Variants in ADGB observed in about 807,000 individuals in gnomAD.
The protein encoded by ADGB is androglobin.
ADGB carries 172 observed loss-of-function variants against 210.5 expected under a neutral mutation model. The observed-to-expected ratio is 0.82, with a 90% CI of 0.72 to 0.93. The LOEUF is 0.93. Ranked by LOEUF, ADGB falls within the 40% of genes least tolerant of loss-of-function variation. The probability of loss-of-function intolerance (pLI) is 0.00; values close to 1 mark genes in which losing one functional copy is unlikely to be tolerated. For synonymous variants in ADGB, 658 were observed against 662.7 expected, an observed-to-expected ratio of 0.99 and a Z score of 0.11; for missense variants, 2,025 against 1,964.8, an observed-to-expected ratio of 1.03 and a Z score of -0.58.
At position 146,740,454 on chromosome 6, in the gene ADGB, TCTAGA is replaced by T. The variant is rs1209260715; in HGVS notation, c.2889-1_2892del. Reference sequence around the variant, plus strand: ...TTGATACATAATTTATTTTTATATTTCTAGACTAATGTTTAAAAGCAAGTGCAAGT... The same window carrying T: ...TTGATACATAATTTATTTTTATATTTCTAATGTTTAAAAGCAAGTGCAAGT... On this transcript the variant is annotated splice_acceptor_variant and splice_polypyrimidine_tract_variant and coding_sequence_variant and intron_variant, in exon 24 of 36. Transcript: ENST00000397944. LOFTEE classifies it high-confidence loss of function. The T allele has an allele frequency of 6.5e-7, 1 of 1,530,512 alleles. No homozygotes were observed. The highest frequency in any genetic ancestry group is 8.8e-7 in the Non-Finnish European group (1 of 1,136,504). The allele number at this position is 1,530,512 out of a possible 1,614,324, so 94.8% of individuals were successfully genotyped here.
chr6:146,782,139 T>A lies in ADGB; in HGVS notation c.3982T>A (p.Ser1328Thr), dbSNP rs1488548716. 2 of 1,547,236 alleles carry A rather than the reference T, an allele frequency of 1.3e-6. No homozygotes were observed. The highest frequency in any genetic ancestry group is 1.7e-6 in the Non-Finnish European group (2 of 1,145,380). Residue 1328 changes from serine (S) to threonine (T), a missense_variant, in exon 30 of 36, where the codon TCT becomes ACT. Transcript: ENST00000397944. ...KTTRKGKEKS[S>T]EKEKTAKEKQ... ...AACAAGGAAAGGCAAAGAAAAGTCT[T>A]CTGAGAAAGAAAAGACAGCCAAAGA... is the stretch of plus-strand genomic sequence containing the variant.
chr6:146,714,637 C>A (rs1278776385), intron 13 of ADGB, among the ~76,000 whole-genome samples: 1 of 152,146 alleles, frequency 6.6e-6, no homozygotes, highest in Non-Finnish European at 1.5e-5. Context: ...AGTGCAAATC[C>A]TTCTACAGAC....
At chr6:146,671,349 G>C (rs993120477) in intron 7 of ADGB, among the ~76,000 whole-genome samples, 1 of 152,158 alleles carries the variant, frequency 6.6e-6, no homozygotes, top group African/African-American at 2.4e-5. Flanking sequence ...GATGAGAATG[G>C]AGAAAAGGGG....
chr6:146,767,619 C>A (rs1175309382), intron 28 of ADGB, among the ~76,000 whole-genome samples: 1 of 152,100 alleles, frequency 6.6e-6, no homozygotes, highest in Non-Finnish European at 1.5e-5. Context: ...TAGGCACATG[C>A]CCCCACACCC....
chr6:146,600,935 CACA>C (rs1780547751), intron 1 of ADGB, among the ~76,000 whole-genome samples: 1 of 128,882 alleles, frequency 7.8e-6, no homozygotes, highest in Non-Finnish European at 1.5e-5. Flanking sequence ...CGCACACACA[CACA>C]CACACACACA....
At chr6:146,679,168 C>T (rs1054633845) in intron 9 of ADGB, among the ~76,000 whole-genome samples, 9 of 152,254 alleles carry the variant, frequency 5.9e-5, no homozygotes, top group South Asian at 2.1e-4. Context: ...TGGAATGTGA[C>T]GTGCTAAAGA....
intron 22 of ADGB, among the ~76,000 whole-genome samples, 187 bp downstream of exon 22, chr6:146,734,217 C>T (rs1183263120): frequency 6.6e-6 from 1 of 152,182 alleles, no homozygotes; most frequent in Non-Finnish European, 1.5e-5. Flanking sequence ...AGGATTGGCA[C>T]AGTGCCTGGT....
chr6:146,803,497 C>T (rs899790647), intron 35 of ADGB: 12 of 1,602,122 alleles, frequency 7.5e-6, no homozygotes, highest in Admixed American at 1.7e-5. Flanking sequence ...TTTCTTTCTG[C>T]GATAGATCAC....
chr6:146,640,911 A>G (rs891558021), intron 2 of ADGB, among the ~76,000 whole-genome samples: 1 of 152,044 alleles, frequency 6.6e-6, no homozygotes, highest in East Asian at 1.9e-4. Flanking sequence ...AGTCCTAGCC[A>G]GAGCAATCAG....
intron 1 of ADGB, 25 bp from the exon 2 acceptor site, chr6:146,635,350 C>T: frequency 7.1e-7 from 1 of 1,401,152 alleles, no homozygotes; most frequent in East Asian, 2.8e-5. Flanking sequence ...TAAACCTAAC[C>T]CACCCACTCT....
At chr6:146,638,877 G>C (rs182580908) in intron 2 of ADGB, 202 of 137,946 alleles carry the variant, frequency 1.5e-3, no homozygotes, top group African/African-American at 4.9e-3. Flanking sequence ...TCAAAGCACA[G>C]CACAACACAA....
intron 23 of ADGB, among the ~76,000 whole-genome samples, chr6:146,738,437 T>A (rs1355896520): frequency 4.9e-5 from 6 of 122,542 alleles, no homozygotes; most frequent in Non-Finnish European, 1.0e-4. Flanking sequence ...TCCCATTTCA[T>A]CTTTTTTTTT....
At chr6:146,802,050 A>C in intron 35 of ADGB, 39 bp downstream of exon 35, 2 of 1,327,898 alleles carry the variant, frequency 1.5e-6, no homozygotes, top group Non-Finnish European at 2.0e-6. Flanking sequence ...TAGTTGGCAA[A>C]TTCTTTCGTA....
At chr6:146,663,131 T>TTA (rs999252225) in intron 5 of ADGB, among the ~76,000 whole-genome samples, 1 of 140,568 alleles carries the variant, frequency 7.1e-6, no homozygotes, top group Non-Finnish European at 1.5e-5. Context: ...AAATATATAA[T>TTA]TATATATATA....
intron 1 of ADGB, among the ~76,000 whole-genome samples, chr6:146,629,287 A>G (rs1349342147): frequency 1.3e-5 from 2 of 152,192 alleles, no homozygotes; most frequent in African/African-American, 4.8e-5. Flanking sequence ...CAAAAGCAGG[A>G]GTTTACGTGG....
At chr6:146,666,785 T>C (rs1374073868) in intron 6 of ADGB, 31 bp from the exon 7 acceptor site, 2 of 1,464,910 alleles carry the variant, frequency 1.4e-6, no homozygotes, top group Non-Finnish European at 1.9e-6. Flanking sequence ...CAAATTTTGC[T>C]ACCTGTAACA....
chr6:146,693,073 C>T (rs558714822), intron 12 of ADGB, among the ~76,000 whole-genome samples, 158 bp downstream of exon 12: 2 of 152,068 alleles, frequency 1.3e-5, no homozygotes, highest in Non-Finnish European at 2.9e-5. Flanking sequence ...TTTTCTTGAC[C>T]TTTTATAGCT....
intron 5 of ADGB, among the ~76,000 whole-genome samples, chr6:146,661,099 A>G (rs965627812): frequency 7.9e-5 from 12 of 152,032 alleles, no homozygotes; most frequent in Non-Finnish European, 1.5e-4. Flanking sequence ...GTCAACTAGT[A>G]TCATGATTTT....
intron 29 of ADGB, 88 bp from the exon 30 acceptor site, chr6:146,781,932 A>T: frequency 2.2e-6 from 2 of 916,478 alleles, no homozygotes; most frequent in Non-Finnish European, 3.0e-6. Context: ...GCTTAACCAT[A>T]TGTCCCTGAG....
Sources: allele counts gnomAD v4.1 joint callset (sites outside exome capture counted in the v4.1 genomes callset), GRCh38; gene constraint gnomAD v4.1.1; transcripts MANE v1.5; gene names NCBI Gene and HGNC (gene_info 2026-07-23, HGNC 2026-07-21).